Variants in JADE1 observed in about 807,000 individuals in gnomAD.
JADE1 encodes jade family PHD finger 1, also known as protein Jade-1.
A neutral mutation model predicts 81.8 loss-of-function variants in JADE1; 14 were observed. The observed-to-expected ratio is 0.17, with a 90% confidence interval of 0.11 to 0.27. The LOEUF is 0.27. Ranked by LOEUF, JADE1 falls within the 10% of genes least tolerant of loss-of-function variation. JADE1 has a pLI of 1.00. For synonymous variants in JADE1, 353 were observed against 391.9 expected, an observed-to-expected ratio of 0.90 and a Z score of 1.17; for missense variants, 690 against 1,047.9, an observed-to-expected ratio of 0.66 and a Z score of 4.71.
chr4:128,831,855 C>A, intron 2 of JADE1, 45 bp downstream of exon 2: 2 of 1,551,560 alleles, frequency 1.3e-6, no homozygotes, highest in Non-Finnish European at 1.8e-6. Context: ...GGGTTTGGGT[C>A]GGGGTAAAAA....
chr4:128,854,860 C>T (rs17303098), intron 6 of JADE1, among the ~76,000 whole-genome samples: 3,346 of 152,286 alleles, frequency 0.022, 103 homozygotes, highest in African/African-American at 0.072. Context: ...TTGATTTCTG[C>T]AGTTTATGCC....
At chr4:128,864,463 T>C in intron 9 of JADE1, 3 of 985,418 alleles carry the variant, frequency 3.0e-6, no homozygotes, top group Non-Finnish European at 3.6e-6. Context: ...AATGGGCTTA[T>C]TGTAATGAAA....
chr4:128,855,492 A>AGGAAGCTGTG (rs1325511226), intron 6 of JADE1, 138 bp from the exon 7 acceptor site: 2 of 883,182 alleles, frequency 2.3e-6, no homozygotes, highest in East Asian at 2.7e-5. Flanking sequence ...GGTCGTAGCC[A>AGGAAGCTGTG]GGAAGCTGTG....
rs572816494 is a variant in JADE1, at chr4:128,865,967, G to A, written c.1504-1889G>A. ...TTGTTTCCATTTTTTATTTCCAGGA[G>A]TCAGATTCCTTGTTAATGTAAAAAT... On this transcript the variant is annotated intron_variant, in intron 9 of 10. Coordinates refer to ENST00000226319, the MANE Select transcript of JADE1 (RefSeq NM_199320.4). Among the ~76,000 whole-genome samples the A allele has an allele frequency of 2.6e-5, 4 of 152,284 alleles. No homozygotes were observed. The South Asian group carries it at 8.3e-4, about 32-fold the overall frequency.
chr4:128,809,818 C>A lies in JADE1; in HGVS notation c.-86C>A, dbSNP rs1487759260. 6.6e-6 allele frequency: 1 copy of A among 151,638 alleles called. No homozygotes were observed. Among genetic ancestry groups the A allele is most frequent in the East Asian group, 1.9e-4 (1 of 5,176 alleles). 9.4% of individuals were successfully genotyped at this position (151,638 alleles called of 1,614,324 possible). On this transcript the variant is annotated 5_prime_UTR_variant, in exon 1 of 11. Coordinates refer to ENST00000226319, the MANE Select transcript of JADE1 (RefSeq NM_199320.4). ...CCGCCCGCCGCGGCCCGAACTCATGCAGCTCCGAGCGAGCGAGCGGCGCCC... is the reference window on the plus strand; with the variant it reads ...CCGCCCGCCGCGGCCCGAACTCATGAAGCTCCGAGCGAGCGAGCGGCGCCC...
At chr4:128,813,700 C>T (rs1322589212) in intron 1 of JADE1, among the ~76,000 whole-genome samples, 1 of 152,040 alleles carries the variant, frequency 6.6e-6, no homozygotes, top group Non-Finnish European at 1.5e-5. Context: ...GGATTACAGG[C>T]GTGAGCCACC....
At chr4:128,813,961 G>A (rs1726747672) in intron 1 of JADE1, among the ~76,000 whole-genome samples, 1 of 151,708 alleles carries the variant, frequency 6.6e-6, no homozygotes, top group African/African-American at 2.4e-5. Context: ...ACCTTTAAGA[G>A]TACAGACTGC....
chr4:128,838,743 T>G (rs1283383559), intron 2 of JADE1, among the ~76,000 whole-genome samples: 1 of 151,800 alleles, frequency 6.6e-6, no homozygotes, highest in African/African-American at 2.4e-5. Flanking sequence ...TAAAAAGGAG[T>G]GTTTTGATTT....
chr4:128,859,850 G>A (rs530412895), intron 8 of JADE1, among the ~76,000 whole-genome samples: 1 of 152,246 alleles, frequency 6.6e-6, no homozygotes, highest in South Asian at 2.1e-4. Context: ...GCCAAAGAAG[G>A]CTGATGATTT....
chr4:128,860,348 T>C (rs1731215950), intron 8 of JADE1, among the ~76,000 whole-genome samples: 1 of 152,200 alleles, frequency 6.6e-6, no homozygotes, highest in African/African-American at 2.4e-5. Flanking sequence ...CTGGATTTTC[T>C]CCTCTTCTCA....
chr4:128,856,679 C>A (rs1323068978), intron 7 of JADE1, among the ~76,000 whole-genome samples: 1 of 152,178 alleles, frequency 6.6e-6, no homozygotes, highest in African/African-American at 2.4e-5. Flanking sequence ...ATATAATTTG[C>A]TATTCAAATT....
intron 5 of JADE1, 146 bp downstream of exon 5, chr4:128,849,313 T>G: frequency 1.5e-6 from 1 of 674,074 alleles, no homozygotes; most frequent in Admixed American, 3.0e-5. Flanking sequence ...AGCCCTGCCT[T>G]AGATCTCAGC....
Position 128,857,448 on chromosome 4 carries a change from T to C in JADE1, c.975T>C (p.Ser325=), listed in dbSNP as rs1447714177. 1 of 1,610,828 alleles carries C rather than the reference T, an allele frequency of 6.2e-7. No homozygotes were observed. Among genetic ancestry groups the C allele is most frequent in the Non-Finnish European group, 8.5e-7 (1 of 1,177,056 alleles). The change falls in exon 8 of 11, where the codon TCT becomes TCC. Residue 325 remains serine (S), a synonymous_variant. Transcript: ENST00000226319. ...CSLCNEKFGA[S]IQCSVKNCRT... is the part of the protein sequence containing the mutation. ...TCTGCAATGAGAAGTTTGGGGCCTC[T>C]ATACAGGTAATTAGCTTCCTAAGAA... is the stretch of plus-strand genomic sequence containing the variant.
At chr4:128,852,575 G>GT (rs1419614219) in intron 6 of JADE1, among the ~76,000 whole-genome samples, 3 of 152,206 alleles carry the variant, frequency 2.0e-5, no homozygotes, top group East Asian at 1.9e-4. Flanking sequence ...CTGTCCTACT[G>GT]TAACACTTAA....
At chr4:128,833,873 G>A (rs73846999) in intron 2 of JADE1, among the ~76,000 whole-genome samples, 1,686 of 152,300 alleles carry the variant, frequency 0.011, 21 homozygotes, top group African/African-American at 0.037. Flanking sequence ...TTCTTTGGGA[G>A]AGCTGTGTTA....
rs956301877 is a variant in JADE1 at position 128,850,999 on chromosome 4, C to A, written c.485-1058C>A. Among the ~76,000 whole-genome samples, 5 of 152,226 alleles carry A rather than the reference C, an allele frequency of 3.3e-5. No homozygotes were observed. In the South Asian group the frequency reaches 8.3e-4, roughly 25 times the overall value. The stretch of plus-strand genomic sequence containing the variant: ...ATGCTGGAGTGCAGGGGTGCAATCT[C>A]GGCTGACTGCAACCTCTACCTCCTG... On this transcript the variant is annotated intron_variant, in intron 5 of 10. Transcript: ENST00000226319.
In JADE1 at chr4:128,875,004, GAAA is replaced by G. The variant is rs3069727; in HGVS notation, c.*2753_*2755del. The G allele has an allele frequency of 2.3e-5, 3 of 132,206 alleles. No homozygotes were observed. The highest frequency in any genetic ancestry group is 5.2e-5 in the African/African-American group (2 of 38,282). The allele number at this position is 132,206 out of a possible 1,614,324, so 8.2% of individuals were successfully genotyped here. A position where few individuals can be genotyped will look rare whatever the true frequency, so the allele number is the denominator to read the frequency against. On this transcript the variant is annotated 3_prime_UTR_variant, in exon 11 of 11. Coordinates refer to ENST00000226319, the MANE Select transcript of JADE1 (RefSeq NM_199320.4). ...GCTTGGTGTCCATTCAGCTAAAATT[GAAA>G]AAAAAAAAAAGGTGCATGAAGAGTT...
At chr4:128,811,867 T>TGGGGGC (rs1282603642) in intron 1 of JADE1, 3 of 151,878 alleles carry the variant, frequency 2.0e-5, no homozygotes, top group Non-Finnish European at 2.9e-5. Context: ...CAGAACTGTC[T>TGGGGGC]GGGGGCGGGA....
At chr4:128,858,753 C>T (rs1343547568) in intron 8 of JADE1, among the ~76,000 whole-genome samples, 1 of 151,950 alleles carries the variant, frequency 6.6e-6, no homozygotes, top group Non-Finnish European at 1.5e-5. Flanking sequence ...CAGGCGCGCA[C>T]CAGCAAGCCC....
Sources: gnomAD v4.1 joint callset for allele counts (sites outside exome capture counted in the v4.1 genomes callset) on GRCh38, gnomAD v4.1.1 for gene constraint, MANE v1.5 for transcripts, NCBI Gene and HGNC (gene_info 2026-07-23, HGNC 2026-07-21) for gene names.